The following STOX1 variants were observed in gnomAD, a reference collection of about 807,000 sequenced individuals.
STOX1 encodes the protein storkhead-box protein 1.
Under a neutral mutation model 74.8 loss-of-function variants are expected in STOX1, and 57 were observed. The observed-to-expected ratio is 0.76, with a 90% confidence interval of 0.62 to 0.95. The LOEUF is 0.95. Among genes scored for constraint, STOX1 ranks in the 40% least tolerant of loss-of-function variants. STOX1 has a pLI of 0.00. For missense variants in STOX1, 1,010 were observed against 1,117.0 expected (o/e 0.90, Z 1.37); for synonymous variants, 375 against 401.3 (o/e 0.93, Z 0.78).
At chr10:68,871,272 GCACCCCC>G (rs1429393971) in intron 1 of STOX1, among the ~76,000 whole-genome samples, 1 of 152,198 alleles carries the variant, frequency 6.6e-6, no homozygotes, top group East Asian at 1.9e-4. Flanking sequence ...GGCTCAAAGG[GCACCCCC>G]GGGTGGGGCC....
intron 1 of STOX1, among the ~76,000 whole-genome samples, chr10:68,858,362 A>G (rs1281853135): frequency 2.6e-5 from 4 of 152,152 alleles, no homozygotes; most frequent in Non-Finnish European, 5.9e-5. Context: ...TTGTGAACAT[A>G]TACTGCAGTC....
intron 1 of STOX1, among the ~76,000 whole-genome samples, chr10:68,869,062 G>T (rs1287653573): frequency 6.6e-6 from 1 of 152,178 alleles, no homozygotes; most frequent in Non-Finnish European, 1.5e-5. Flanking sequence ...GTGGCCCAAG[G>T]CCCTATGAGG....
chr10:68,836,594 G>C (rs917476543), intron 1 of STOX1, among the ~76,000 whole-genome samples: 1 of 152,188 alleles, frequency 6.6e-6, no homozygotes, highest in Non-Finnish European at 1.5e-5. Context: ...GGTCCCAAGG[G>C]CTGCCTGGTG....
Position 68,886,611 on chromosome 10 carries a change from T to C in STOX1, c.2815T>C (p.Ser939Pro). The C allele has an allele frequency of 2.5e-6, 4 of 1,613,860 alleles. No individual in the cohort carries two copies. Among genetic ancestry groups the C allele is most frequent in the Non-Finnish European group, 3.4e-6 (4 of 1,179,918 alleles). ...CATGGCAGGAGATAGTGGAATAGAT[T>C]CTCCACGGTAGGTCCATACAAAAGT... Reference protein sequence around the residue: ...HSMAGDSGIDSPRTQSLGSNN... With the variant: ...HSMAGDSGIDPPRTQSLGSNN... The change falls in exon 3 of 4, where the codon TCT (serine) becomes CCT (proline). Residue 939 changes from serine to proline, a missense_variant. Physicochemically the swap from Ser to Pro is moderately conservative, Grantham distance 74. Coordinates refer to ENST00000298596, the MANE Select transcript of STOX1 (RefSeq NM_152709.5).
intron 1 of STOX1, among the ~76,000 whole-genome samples, chr10:68,867,822 A>G (rs910455110): frequency 1.3e-5 from 2 of 152,300 alleles, no homozygotes; most frequent in African/African-American, 2.4e-5. Flanking sequence ...AGACCTCTAC[A>G]TCCATAGTTC....
At chr10:68,836,945 T>C (rs941498012) in intron 1 of STOX1, among the ~76,000 whole-genome samples, 17 of 152,326 alleles carry the variant, frequency 1.1e-4, no homozygotes, top group African/African-American at 3.8e-4. Flanking sequence ...TCTAATACCA[T>C]TCCCCCTTCA....
At chr10:68,872,449 G>C (rs1347196757) in intron 1 of STOX1, among the ~76,000 whole-genome samples, 1 of 147,416 alleles carries the variant, frequency 6.8e-6, no homozygotes, top group African/African-American at 2.5e-5. Context: ...GGGTTCAAGT[G>C]ATTCTCCTGC....
intron 1 of STOX1, among the ~76,000 whole-genome samples, chr10:68,876,114 A>T (rs1312893419): frequency 1.3e-5 from 1 of 78,604 alleles, no homozygotes; most frequent in Non-Finnish European, 2.4e-5. Context: ...TCTGGTCTTT[A>T]CCAGAATATA....
rs147246020 is a variant in STOX1 at position 68,859,467 on chromosome 10, G to A, written c.311-22491G>A. On this transcript the variant is annotated intron_variant, in intron 1 of 3. Transcript: ENST00000298596. ...AAAGCTTCTGCATCCCAAACTTGAC[G>A]TGATGCAGGTAAAGCAGCAGCAGTC... is the stretch of plus-strand genomic sequence containing the variant. Among the ~76,000 whole-genome samples the A allele has an allele frequency of 2.4e-4, 37 of 152,178 alleles. No homozygotes were observed. The South Asian group carries it at 5.2e-3, about 21-fold the overall frequency.
chr10:68,832,016 C>T (rs183679739), intron 1 of STOX1, among the ~76,000 whole-genome samples: 7 of 151,524 alleles, frequency 4.6e-5, no homozygotes, highest in African/African-American at 1.7e-4. Context: ...CCTCCCCCCT[C>T]GGCCTCCCAA....
At chr10:68,846,134 A>ATTATTATTATT (rs1839846938) in intron 1 of STOX1, among the ~76,000 whole-genome samples, 1 of 140,966 alleles carries the variant, frequency 7.1e-6, no homozygotes, top group Non-Finnish European at 1.5e-5. Flanking sequence ...TATTATTATT[A>ATTATTATTATT]TTATTATTAT....
At chr10:68,851,322 A>G (rs75518337) in intron 1 of STOX1, among the ~76,000 whole-genome samples, 3,430 of 151,948 alleles carry the variant, frequency 0.023, 131 homozygotes, top group African/African-American at 0.078. Context: ...AAAAAGAAAA[A>G]AGAGTGGAGA....
In STOX1 at chr10:68,889,487, C is replaced by T. The variant is rs186580802; in HGVS notation, c.2822+2869C>T. The stretch of plus-strand genomic sequence containing the variant: ...AAAGTATTTTTAACAACAAATCATA[C>T]AGAGCCATGGCTTTCTTTTTTCATG... On this transcript the variant is annotated intron_variant, in intron 3 of 3. Coordinates refer to ENST00000298596, the MANE Select transcript of STOX1 (RefSeq NM_152709.5). 7.3e-3 allele frequency among the ~76,000 whole-genome samples: 1,107 copies of T among 152,320 alleles called. 4 individuals are homozygous for T. Among genetic ancestry groups the T allele is most frequent in the Admixed American group, 0.011 (167 of 15,304 alleles).
intron 1 of STOX1, among the ~76,000 whole-genome samples, chr10:68,831,211 A>G (rs1425865518): frequency 1.3e-5 from 2 of 152,050 alleles, no homozygotes; most frequent in African/African-American, 4.8e-5. Flanking sequence ...TTTTGAGACG[A>G]TGTTTCACCC....
chr10:68,881,061 A>G (rs1840804312), intron 1 of STOX1, among the ~76,000 whole-genome samples: 1 of 152,048 alleles, frequency 6.6e-6, no homozygotes. Context: ...TTATTCTCCT[A>G]TTAAATAATT....
intron 3 of STOX1, among the ~76,000 whole-genome samples, chr10:68,888,891 C>G (rs1841033384): frequency 1.6e-5 from 2 of 126,828 alleles, no homozygotes; most frequent in Admixed American, 2.0e-4. Context: ...CTCCTGGGCT[C>G]AAGCAATTCA....
intron 1 of STOX1, among the ~76,000 whole-genome samples, chr10:68,873,965 GTT>G (rs950012645): frequency 1.4e-5 from 1 of 73,998 alleles, no homozygotes; most frequent in Non-Finnish European, 2.7e-5. Context: ...TTTGTTTTTT[GTT>G]TTTTTTAATC....
At chr10:68,845,055 G>C (rs1589218974) in intron 1 of STOX1, among the ~76,000 whole-genome samples, 1 of 152,084 alleles carries the variant, frequency 6.6e-6, no homozygotes, top group East Asian at 1.9e-4. Context: ...GAGCGACAGT[G>C]CCTGGCCAGC....
chr10:68,882,054 C>T lies in STOX1; in HGVS notation c.407C>T (p.Ala136Val), dbSNP rs1202679673. Residue 136 changes from alanine (A) to valine (V), a missense_variant, in exon 2 of 4, where the codon GCT becomes GTT. Coordinates refer to ENST00000298596, the MANE Select transcript of STOX1 (RefSeq NM_152709.5). ...TGTGCTATATCTGATATGAATACAG[C>T]TCAGATTGTAGTAACGCAGGAATCA... is the stretch of plus-strand genomic sequence containing the variant. Reference protein sequence around the residue: ...LCCAISDMNTAQIVVTQESLL... With the variant: ...LCCAISDMNTVQIVVTQESLL... The T allele has an allele frequency of 6.2e-7, 1 of 1,613,632 alleles. No homozygotes were observed. Among genetic ancestry groups the T allele is most frequent in the Non-Finnish European group, 8.5e-7 (1 of 1,179,710 alleles).
Sources: gnomAD v4.1 joint callset for allele counts (sites outside exome capture counted in the v4.1 genomes callset) on GRCh38, gnomAD v4.1.1 for gene constraint, MANE v1.5 for transcripts, NCBI Gene and HGNC (gene_info 2026-07-23, HGNC 2026-07-21) for gene names.